The following ADAM12 variants were observed in gnomAD, a reference collection of about 807,000 sequenced individuals.
ADAM12 encodes the protein disintegrin and metalloproteinase domain-containing protein 12.
A neutral mutation model predicts 106.4 loss-of-function variants in ADAM12; 70 were observed. That is an observed-to-expected ratio of 0.66 (90% CI 0.54 to 0.80). The LOEUF (loss-of-function observed/expected upper bound fraction) is 0.80, where lower values mean the gene tolerates loss of function less well. Ranked by LOEUF, ADAM12 falls within the 30% of genes least tolerant of loss-of-function variation. The probability of loss-of-function intolerance (pLI) is 0.00; values close to 1 mark genes in which losing one functional copy is unlikely to be tolerated. For missense variants in ADAM12, 1,010 were observed against 1,171.9 expected (o/e 0.86, Z 2.02); for synonymous variants, 420 against 433.5 (o/e 0.97, Z 0.39).
intron 4 of ADAM12, among the ~76,000 whole-genome samples, chr10:126,141,857 C>G (rs114058869): frequency 2.6e-5 from 4 of 152,204 alleles, no homozygotes; most frequent in African/African-American, 9.7e-5. Context: ...ACTCCTTGCC[C>G]TATGCAATGA....
intron 4 of ADAM12, among the ~76,000 whole-genome samples, chr10:126,146,327 C>T (rs1472983051): frequency 1.3e-5 from 2 of 152,116 alleles, no homozygotes; most frequent in Non-Finnish European, 2.9e-5. Flanking sequence ...GTGTGGAGTA[C>T]AGCAACAGCA....
chr10:126,366,298 A>C (rs1855907830), intron 1 of ADAM12, among the ~76,000 whole-genome samples: 1 of 152,218 alleles, frequency 6.6e-6, no homozygotes, highest in South Asian at 2.1e-4. Flanking sequence ...AAACTATAAA[A>C]CTACTGTATG....
intron 3 of ADAM12, among the ~76,000 whole-genome samples, chr10:126,214,747 A>G (rs4019515): frequency 0.89 from 136,197 of 152,282 alleles, 62,010 homozygotes; most frequent in Non-Finnish European, 0.99. Context: ...TATGATGTTC[A>G]TTATGACTCA....
At position 126,017,284 on chromosome 10, in the gene ADAM12, T is replaced by TAATA; in HGVS notation, c.2712_2715dup (p.Lys906TyrfsTer2). 2.5e-6 allele frequency: 4 copies of TAATA among 1,594,912 alleles called. No homozygotes were observed. Among genetic ancestry groups the TAATA allele is most frequent in the Non-Finnish European group, 3.4e-6 (4 of 1,170,002 alleles). ...TGAAAAAAGGTGTCGGCTTCTCACT[T>TAATA]AATATAGGCGGTGTGGGTGGATCTG... is the stretch of plus-strand genomic sequence containing the variant. On this transcript the variant is annotated frameshift_variant, in exon 23 of 23. Transcript: ENST00000448723. LOFTEE classifies it high-confidence loss of function.
chr10:126,236,675 GGAGCACCTGTAGGAAA>G (rs1316717559), intron 3 of ADAM12, among the ~76,000 whole-genome samples: 2 of 151,730 alleles, frequency 1.3e-5, no homozygotes, highest in African/African-American at 2.4e-5. Flanking sequence ...CTCATAGGAA[GGAGCACCTGTAGGAAA>G]GAGCACTCAC....
intron 3 of ADAM12, among the ~76,000 whole-genome samples, chr10:126,264,326 G>A (rs1959057975): frequency 6.6e-6 from 1 of 152,186 alleles, no homozygotes; most frequent in South Asian, 2.1e-4. Context: ...CTCTAGGCCA[G>A]TTGAAGCTGA....
At chr10:126,179,889 C>T (rs188074149) in intron 3 of ADAM12, among the ~76,000 whole-genome samples, 54 of 152,284 alleles carry the variant, frequency 3.5e-4, no homozygotes, top group African/African-American at 1.3e-3. Flanking sequence ...CTAAGGACGG[C>T]TTCCTGGATG....
At chr10:126,163,283 C>T (rs777831871) in intron 3 of ADAM12, among the ~76,000 whole-genome samples, 10 of 152,196 alleles carry the variant, frequency 6.6e-5, no homozygotes, top group African/African-American at 9.6e-5. Context: ...TTCTTGGACA[C>T]GTCATGGGAG....
intron 3 of ADAM12, among the ~76,000 whole-genome samples, chr10:126,172,999 A>T (rs1957147048): frequency 6.6e-6 from 1 of 152,218 alleles, no homozygotes; most frequent in African/African-American, 2.4e-5. Flanking sequence ...TAGCAAACTA[A>T]CACAAGAACA....
At chr10:126,201,514 G>A (rs994483390) in intron 3 of ADAM12, among the ~76,000 whole-genome samples, 21 of 152,146 alleles carry the variant, frequency 1.4e-4, no homozygotes, top group African/African-American at 5.1e-4. Flanking sequence ...AGGGAACGTG[G>A]CCCTGCCAGA....
At chr10:126,350,477 A>G (rs1238159660) in intron 1 of ADAM12, among the ~76,000 whole-genome samples, 2 of 152,234 alleles carry the variant, frequency 1.3e-5, no homozygotes, top group African/African-American at 4.8e-5. Context: ...GGACAGAGAC[A>G]GCTGCCTGGG....
intron 3 of ADAM12, among the ~76,000 whole-genome samples, chr10:126,159,331 A>T: frequency 6.7e-6 from 1 of 148,258 alleles, no homozygotes; most frequent in Non-Finnish European, 1.5e-5. Context: ...AAAAAAAAAA[A>T]GGAGCACACT....
intron 3 of ADAM12, among the ~76,000 whole-genome samples, chr10:126,251,885 A>AATGGATGGATGGGATGGATAGG (rs1253091214): frequency 6.2e-4 from 43 of 69,194 alleles, no homozygotes; most frequent in African/African-American, 1.9e-3. Flanking sequence ...GGATGGATGC[A>AATGGATGGATGGGATGGATAGG]ATGGATGGAT....
intron 21 of ADAM12, among the ~76,000 whole-genome samples, chr10:126,025,010 G>C (rs933404567): frequency 2.6e-5 from 4 of 152,080 alleles, no homozygotes; most frequent in Non-Finnish European, 5.9e-5. Context: ...TGGCCAGACT[G>C]TTAAACAGAA....
At chr10:126,203,441 G>A (rs1020822810) in intron 3 of ADAM12, among the ~76,000 whole-genome samples, 5 of 152,038 alleles carry the variant, frequency 3.3e-5, no homozygotes, top group Non-Finnish European at 7.4e-5. Context: ...ATTCCTGTGT[G>A]GAATGGAGGT....
intron 21 of ADAM12, among the ~76,000 whole-genome samples, chr10:126,026,635 C>T (rs1490527982): frequency 1.3e-5 from 2 of 152,178 alleles, no homozygotes; most frequent in African/African-American, 4.8e-5. Flanking sequence ...AACCACACAA[C>T]TCCATGGAAC....
chr10:126,299,856 C>T (rs1178423428), intron 2 of ADAM12, among the ~76,000 whole-genome samples: 1 of 152,104 alleles, frequency 6.6e-6, no homozygotes, highest in Non-Finnish European at 1.5e-5. Flanking sequence ...GTTGGCCAGG[C>T]TGGTCTTGAA....
intron 1 of ADAM12, among the ~76,000 whole-genome samples, chr10:126,357,199 G>A (rs950402285): frequency 1.3e-5 from 2 of 152,078 alleles, no homozygotes; most frequent in Non-Finnish European, 1.5e-5. Context: ...AAAAAATTGT[G>A]AGAGCAGCAA....
At chr10:126,035,571 TTTGC>T (rs1954044510) in intron 21 of ADAM12, among the ~76,000 whole-genome samples, 1 of 152,288 alleles carries the variant, frequency 6.6e-6, no homozygotes, top group South Asian at 2.1e-4. Context: ...CTCCTACTTA[TTTGC>T]TTGTTTTCTC....
Sources: gnomAD v4.1 joint callset for allele counts (sites outside exome capture counted in the v4.1 genomes callset) on GRCh38, gnomAD v4.1.1 for gene constraint, MANE v1.5 for transcripts, NCBI Gene and HGNC (gene_info 2026-07-23, HGNC 2026-07-21) for gene names.